The following PALMD variants were observed in gnomAD, a reference collection of about 807,000 sequenced individuals.
The protein encoded by PALMD is palmdelphin.
Under a neutral mutation model 56.2 loss-of-function variants are expected in PALMD, and 42 were observed. The ratio of observed to expected loss-of-function variants is 0.75; its 90% CI spans 0.58 to 0.97. PALMD has a LOEUF of 0.97. PALMD is among the 50% of genes least tolerant of loss of function. The probability of loss-of-function intolerance (pLI) is 0.00; values close to 1 mark genes in which losing one functional copy is unlikely to be tolerated. For missense variants in PALMD, 660 were observed against 643.8 expected (o/e 1.03, Z -0.27); for synonymous variants, 242 against 222.9 (o/e 1.09, Z -0.76).
chr1:99,680,705 C>G (rs2100869983), intron 3 of PALMD, among the ~76,000 whole-genome samples: 1 of 152,190 alleles, frequency 6.6e-6, no homozygotes, highest in African/African-American at 2.4e-5. Context: ...CCCACAGTAA[C>G]CTCCCCAAAA....
chr1:99,648,714 C>T (rs759406168), intron 1 of PALMD, among the ~76,000 whole-genome samples: 7 of 151,668 alleles, frequency 4.6e-5, no homozygotes, highest in Non-Finnish European at 8.8e-5. Context: ...CATTAAAATT[C>T]GTTTCTCCAA....
intron 3 of PALMD, 171 bp from the exon 4 acceptor site, chr1:99,686,505 T>C (rs1231888279): frequency 4.7e-6 from 2 of 424,700 alleles, no homozygotes; most frequent in Non-Finnish European, 8.4e-6. Context: ...GTATCTTCCA[T>C]ATATTAAGTA....
Position 99,657,044 on chromosome 1 carries a change from G to T in PALMD, c.46-5275G>T, listed in dbSNP as rs116146956. On this transcript the variant is annotated intron_variant, in intron 1 of 7. Transcript: ENST00000263174. Reference sequence around the variant, plus strand: ...CTGATCCAAAATAAACTTCCATGTGGGTTCCCCTTCTCCTATACCCATTAA... The same window carrying T: ...CTGATCCAAAATAAACTTCCATGTGTGTTCCCCTTCTCCTATACCCATTAA... 4.3e-3 allele frequency among the ~76,000 whole-genome samples: 654 copies of T among 152,234 alleles called. 8 individuals are homozygous for T. Among genetic ancestry groups the T allele is most frequent in the African/African-American group, 0.015 (618 of 41,544 alleles).
At chr1:99,682,686 C>T (rs554076523) in intron 3 of PALMD, among the ~76,000 whole-genome samples, 2 of 151,878 alleles carry the variant, frequency 1.3e-5, no homozygotes, top group South Asian at 2.1e-4. Flanking sequence ...TGTCTCTATG[C>T]CCCAGGAAAA....
intron 7 of PALMD, chr1:99,690,164 G>T (rs561061346): frequency 4.4e-4 from 182 of 413,400 alleles, no homozygotes; most frequent in Non-Finnish European, 6.9e-4. Flanking sequence ...GAGTGTATTT[G>T]GGTCACTAAT....
At chr1:99,691,055 A>C (rs1441133491) in intron 7 of PALMD, among the ~76,000 whole-genome samples, 1 of 152,192 alleles carries the variant, frequency 6.6e-6, no homozygotes, top group Non-Finnish European at 1.5e-5. Context: ...AGCTTTTGGA[A>C]AGTATACACG....
At chr1:99,648,715 G>A (rs766689756) in intron 1 of PALMD, among the ~76,000 whole-genome samples, 16 of 151,150 alleles carry the variant, frequency 1.1e-4, no homozygotes, top group Admixed American at 9.2e-4. Flanking sequence ...ATTAAAATTC[G>A]TTTCTCCAAT....
chr1:99,652,684 GGAAAGGAAAGGAAAAGAAAAGAAAA>G (rs1652617290), intron 1 of PALMD, among the ~76,000 whole-genome samples: 5 of 70,934 alleles, frequency 7.0e-5, no homozygotes, highest in African/African-American at 2.9e-4. Context: ...GGAAAGGAAA[GGAAAGGAAAGGAAAAGAAAAGAAAA>G]GAAAAGAAAA....
chr1:99,671,286 T>C (rs1307420366), intron 3 of PALMD, among the ~76,000 whole-genome samples: 3 of 152,212 alleles, frequency 2.0e-5, no homozygotes, highest in South Asian at 4.1e-4. Flanking sequence ...CTTCTACTTC[T>C]AAGGCGTTGT....
intron 3 of PALMD, among the ~76,000 whole-genome samples, chr1:99,677,622 G>A (rs547927983): frequency 6.6e-6 from 1 of 152,284 alleles, no homozygotes; most frequent in East Asian, 1.9e-4. Flanking sequence ...TGACCTGACA[G>A]TTGCAGATGT....
intron 7 of PALMD, chr1:99,690,163 T>C (rs1653623488): frequency 1.2e-5 from 5 of 416,486 alleles, no homozygotes; most frequent in Non-Finnish European, 2.1e-5. Flanking sequence ...TGAGTGTATT[T>C]GGGTCACTAA....
At position 99,646,368 on chromosome 1, in the gene PALMD, T is replaced by C. The variant is rs761420486; in HGVS notation, c.45+6T>C. On this transcript the variant is annotated splice_donor_region_variant and intron_variant, in intron 1 of 7. Transcript: ENST00000263174. ...GAAGACTCCAGGCCATCACAGTAAG[T>C]CTGCATACAGTTATAACTCATTAAC... is the stretch of plus-strand genomic sequence containing the variant. The C allele has an allele frequency of 6.2e-7, 1 of 1,607,610 alleles. No homozygotes were observed. Among genetic ancestry groups the C allele is most frequent in the South Asian group, 1.1e-5 (1 of 90,968 alleles).
At chr1:99,664,081 T>C (rs1046000915) in intron 2 of PALMD, among the ~76,000 whole-genome samples, 8 of 152,176 alleles carry the variant, frequency 5.3e-5, no homozygotes, top group African/African-American at 1.9e-4. Context: ...GGGATGCTTA[T>C]ACCTGGAGCA....
intron 3 of PALMD, among the ~76,000 whole-genome samples, chr1:99,677,378 G>C (rs370086338): frequency 1.3e-5 from 2 of 152,028 alleles, no homozygotes; most frequent in African/African-American, 2.4e-5. Flanking sequence ...AAATGAGATA[G>C]AAAGGTTCAT....
Position 99,686,953 on chromosome 1 carries a change from A to C in PALMD, c.390A>C (p.Glu130Asp). The C allele has an allele frequency of 6.3e-7, 1 of 1,580,438 alleles. No individual in the cohort carries two copies. The highest frequency in any genetic ancestry group is 8.7e-7 in the Non-Finnish European group (1 of 1,152,974). ...AGTCTGTGAAAGTGGAAAGAGAAGA[A>C]AGAGCAGAAGGTATGTTTTTGAATA... ...IIRSVKVERE[E>D]RAEESIEDIY... The change falls in exon 5 of 8, where the codon GAA becomes GAC. Residue 130 changes from glutamate (E) to aspartate (D), a missense_variant. Physicochemically the swap from Glu to Asp is conservative, Grantham distance 45. Coordinates refer to ENST00000263174, the MANE Select transcript of PALMD (RefSeq NM_017734.5).
At chr1:99,669,407 C>T (rs1339710408) in intron 3 of PALMD, 1 of 152,162 alleles carries the variant, frequency 6.6e-6, no homozygotes, top group Admixed American at 6.5e-5. Flanking sequence ...CAATTCTTAT[C>T]AAGGCATCCC....
intron 2 of PALMD, 187 bp from the exon 3 acceptor site, chr1:99,667,455 T>G (rs1197427963): frequency 1.7e-6 from 1 of 591,252 alleles, no homozygotes; most frequent in Admixed American, 2.9e-5. Context: ...GCATAAAACC[T>G]GGCTTTGAAT....
chr1:99,646,113 A>AT lies in PALMD; in HGVS notation c.-203dup. 1 of 574,750 alleles carries AT rather than the reference A, an allele frequency of 1.7e-6. No homozygotes were observed. The highest frequency in any genetic ancestry group is 3.1e-5 in the Admixed American group (1 of 32,622). The allele number at this position is 574,750 out of a possible 1,614,324, so 35.6% of individuals were successfully genotyped here. On this transcript the variant is annotated 5_prime_UTR_variant, in exon 1 of 8. Coordinates refer to ENST00000263174, the MANE Select transcript of PALMD (RefSeq NM_017734.5). Reference sequence around the variant, plus strand: ...GCGTCTGCCTCCCCAGCACACCCTCATTACATGTGTCTGTCTGGCCTGATC... The same window carrying AT: ...GCGTCTGCCTCCCCAGCACACCCTCATTTACATGTGTCTGTCTGGCCTGATC...
intron 6 of PALMD, among the ~76,000 whole-genome samples, chr1:99,687,897 G>GA (rs5776484): frequency 0.49 from 75,112 of 151,810 alleles, 19,310 homozygotes; most frequent in Non-Finnish European, 0.57. Flanking sequence ...GGAAGGCCAA[G>GA]AACCACCAGG....
Sources: allele counts gnomAD v4.1 joint callset (sites outside exome capture counted in the v4.1 genomes callset), GRCh38; gene constraint gnomAD v4.1.1; transcripts MANE v1.5; gene names NCBI Gene and HGNC (gene_info 2026-07-23, HGNC 2026-07-21).